The following MACF1 variants were observed in gnomAD, a reference collection of about 807,000 sequenced individuals.
MACF1 encodes microtubule-actin cross-linking factor 1.
In MACF1, 193 loss-of-function variants were observed where a neutral mutation model predicts 854.8. The ratio of observed to expected loss-of-function variants is 0.23; its 90% CI spans 0.20 to 0.25. The LOEUF (loss-of-function observed/expected upper bound fraction) is 0.25. Ranked by LOEUF, MACF1 falls within the 10% of genes least tolerant of loss-of-function variation. The pLI, the probability that MACF1 is intolerant of heterozygous loss-of-function variation, is 1.00. For missense variants in MACF1, 7,722 were observed against 8,929.1 expected, an observed-to-expected ratio of 0.86 and a Z score of 5.45; for synonymous variants, 3,185 against 3,226.7, an observed-to-expected ratio of 0.99 and a Z score of 0.44.
At chr1:39,378,715 A>G (rs1274323126) in intron 53 of MACF1, among the ~76,000 whole-genome samples, 192 bp downstream of exon 53, 1 of 152,214 alleles carries the variant, frequency 6.6e-6, no homozygotes, top group African/African-American at 2.4e-5. Context: ...CTGAAGCTAA[A>G]GGTATTGTAG....
chr1:39,404,690 G>T (rs1180152013), intron 58 of MACF1, among the ~76,000 whole-genome samples: 1 of 152,056 alleles, frequency 6.6e-6, no homozygotes, highest in African/African-American at 2.4e-5. Flanking sequence ...TTGCAATGTT[G>T]CTTCGGCTAG....
chr1:39,107,725 C>T (rs1486304531), intron 2 of MACF1, among the ~76,000 whole-genome samples: 1 of 152,156 alleles, frequency 6.6e-6, no homozygotes, highest in African/African-American at 2.4e-5. Flanking sequence ...TTGTGAGGAT[C>T]ATGCCACGTA....
At chr1:39,169,453 T>C (rs1643916580) in intron 2 of MACF1, among the ~76,000 whole-genome samples, 1 of 151,908 alleles carries the variant, frequency 6.6e-6, no homozygotes, top group Non-Finnish European at 1.5e-5. Context: ...CATTTTTTTT[T>C]AAGTAGCCAG....
intron 22 of MACF1, among the ~76,000 whole-genome samples, chr1:39,300,712 C>T (rs1363598739): frequency 6.6e-6 from 1 of 152,098 alleles, no homozygotes; most frequent in Non-Finnish European, 1.5e-5. Context: ...TGTAAATATC[C>T]CTTAAACGTA....
At position 39,436,512 on chromosome 1, in the gene MACF1, G is replaced by A. The variant is rs767015440; in HGVS notation, c.17988+751G>A. ...AGAGGTAAGGTACCCATCCCCATTG[G>A]GACTAGGGTGTTCTTATAATGCTGA... On this transcript the variant is annotated intron_variant, in intron 70 of 100. Transcript: ENST00000564288. The A allele has an allele frequency of 6.2e-6, 10 of 1,611,414 alleles. No individual in the cohort carries two copies. The Admixed American group carries it at 1.7e-4, about 27-fold the overall frequency.
chr1:39,283,507 A>C lies in MACF1; in HGVS notation c.907A>C (p.Ser303Arg), dbSNP rs1433265674. 1 of 1,597,968 alleles carries C rather than the reference A, an allele frequency of 6.3e-7. No homozygotes were observed. Among genetic ancestry groups the C allele is most frequent in the South Asian group, 1.1e-5 (1 of 90,736 alleles). The change falls in exon 9 of 101, where the codon AGT becomes CGT. Residue 303 changes from serine to arginine, a missense_variant. By Grantham distance (110) the Ser-to-Arg change is moderately radical. Around this residue, in one of 15 missense-constraint regions of MACF1, gnomAD observed 97 missense variants for 130.4 expected, o/e 0.74. Coordinates refer to ENST00000564288, the MANE Select transcript of MACF1 (RefSeq NM_001394062.1). This position sits in a 1 kb window ranked among gnomAD's most constrained non-coding sequence, Gnocchi z 4.5. The stretch of plus-strand genomic sequence containing the variant: ...AGTTCCTGAGGGTGGAGAAGGGATC[A>C]GTGCTACGGTAAAAGAACATTTTCC... ...PKVPEGGEGI[S>R]ATEVDSRWQE... is the part of the protein sequence containing the mutation.
At position 39,340,583 on chromosome 1, in the gene MACF1, C is replaced by T. The variant is rs1354035753; in HGVS notation, c.10297C>T (p.Pro3433Ser). 6.2e-7 allele frequency: 1 copy of T among 1,614,136 alleles called. No homozygotes were observed. Among genetic ancestry groups the T allele is most frequent in the Admixed American group, 1.7e-5 (1 of 60,014 alleles). Reference protein sequence around the residue: ...ECVNQIIISQPQEVPAQLLKA... With the variant: ...ECVNQIIISQSQEVPAQLLKA... ...TGTGAATCAGATTATCATCAGCCAG[C>T]CTCAAGAAGTTCCTGCTCAACTGTT... is the stretch of plus-strand genomic sequence containing the variant. Residue 3433 changes from proline to serine, a missense_variant, in exon 39 of 101, where the codon CCT becomes TCT. Pro to Ser is a moderately conservative substitution (Grantham distance 74). Transcript: ENST00000564288.
chr1:39,212,748 A>G (rs951129831), intron 1 of MACF1, among the ~76,000 whole-genome samples: 19 of 152,058 alleles, frequency 1.2e-4, no homozygotes, highest in African/African-American at 4.3e-4. Context: ...TCAGCCTCCC[A>G]GGTATCTGGA....
chr1:39,191,994 T>C (rs1644259910), intron 2 of MACF1, among the ~76,000 whole-genome samples: 1 of 151,908 alleles, frequency 6.6e-6, no homozygotes, highest in South Asian at 2.1e-4. Context: ...CTATTAAACA[T>C]ACAAAAATTA....
chr1:39,477,070 T>TACACACAC lies in MACF1; in HGVS notation c.21959-2727_21959-2726insCACACACA, dbSNP rs1224707870. ...GTATATATATATATATATATATATA[T>TACACACAC]ATATATATATATATATATATACACA... On this transcript the variant is annotated intron_variant, in intron 97 of 100. Transcript: ENST00000564288. 6.2e-3 allele frequency among the ~76,000 whole-genome samples: 267 copies of TACACACAC among 43,134 alleles called. 18 individuals are homozygous for TACACACAC. The highest frequency in any genetic ancestry group is 0.053 in the East Asian group (45 of 856). The allele number at this position is 43,134 out of a possible 152,430, so 28.3% of individuals were successfully genotyped here.
At chr1:39,398,158 T>A (rs1309005791) in intron 58 of MACF1, among the ~76,000 whole-genome samples, 10 of 147,348 alleles carry the variant, frequency 6.8e-5, no homozygotes, top group South Asian at 2.2e-4. Context: ...TTTTTTTTTT[T>A]AAACAGTTTC....
chr1:39,347,171 G>A lies in MACF1; in HGVS notation c.10776G>A (p.Gln3592=). 1 of 1,613,990 alleles carries A rather than the reference G, an allele frequency of 6.2e-7. No homozygotes were observed. The stretch of plus-strand genomic sequence containing the variant: ...CTGCCGCTCAGGTGGATGCCTTGCA[G>A]GGCCATCTTCAACAAATGGAGCAGG... ...EQTAAQVDAL[Q]GHLQQMEQEA... is the part of the protein sequence containing the mutation. Residue 3592 remains glutamine, a synonymous_variant, in exon 41 of 101, where the codon CAG becomes CAA. Transcript: ENST00000564288.
chr1:39,340,744 G>C (rs1423371218), intron 39 of MACF1, 27 bp downstream of exon 39: 4 of 1,612,870 alleles, frequency 2.5e-6, no homozygotes, highest in Non-Finnish European at 3.4e-6. Flanking sequence ...ATTCATAAAG[G>C]CTCACAAAGT....
At chr1:39,167,431 G>A (rs1643893105) in intron 2 of MACF1, among the ~76,000 whole-genome samples, 1 of 151,802 alleles carries the variant, frequency 6.6e-6, no homozygotes, top group Admixed American at 6.6e-5. Flanking sequence ...ATTAGACCGG[G>A]CGCGGTGGCT....
chr1:39,423,237 T>C (rs1643605947), intron 60 of MACF1, among the ~76,000 whole-genome samples: 1 of 152,206 alleles, frequency 6.6e-6, no homozygotes, highest in Non-Finnish European at 1.5e-5. Flanking sequence ...TTTTTGTTGG[T>C]TTAATTTCTA....
chr1:39,359,152 G>C lies in MACF1; in HGVS notation c.12132G>C (p.Glu4044Asp). The part of the protein sequence containing the change: ...EQLATTKQLQ[E>D]ELAEHQVPVE... Reference sequence around the variant, plus strand: ...TCATGGACAAGCAGCAGTTGCAGGAGGAATTGGCTGAGCACCAAGTACCTG... The same window carrying C: ...TCATGGACAAGCAGCAGTTGCAGGACGAATTGGCTGAGCACCAAGTACCTG... The change falls in exon 47 of 101, where the codon GAG becomes GAC. Residue 4044 changes from glutamate (E) to aspartate (D), a missense_variant. Glu to Asp is a conservative substitution (Grantham distance 45). This residue lies in a region of MACF1 where 2,807 missense variants were observed against 3,235.8 expected (regional missense o/e 0.87). Transcript: ENST00000564288. 2 of 1,613,974 alleles carry C rather than the reference G, an allele frequency of 1.2e-6. No individual in the cohort carries two copies. Among genetic ancestry groups the C allele is most frequent in the Non-Finnish European group, 1.7e-6 (2 of 1,179,990 alleles).
chr1:39,254,828 G>A (rs1243625212), intron 5 of MACF1, among the ~76,000 whole-genome samples: 1 of 152,170 alleles, frequency 6.6e-6, no homozygotes, highest in East Asian at 1.9e-4. Context: ...GATAACTTAA[G>A]TGAGCAGTTT....
intron 31 of MACF1, among the ~76,000 whole-genome samples, chr1:39,320,037 T>G (rs953567297): frequency 6.6e-6 from 1 of 152,226 alleles, no homozygotes. Context: ...TAAATATGCT[T>G]CTTACTTGTC....
At chr1:39,205,167 C>T (rs1265255098) in intron 1 of MACF1, 36 bp downstream of exon 1, 2 of 702,486 alleles carry the variant, frequency 2.8e-6, no homozygotes, top group South Asian at 3.0e-5. Flanking sequence ...TTTAAATCTA[C>T]TGTGGGGCTT....
Sources: gnomAD v4.1 joint callset for allele counts (sites outside exome capture counted in the v4.1 genomes callset) on GRCh38, gnomAD v4.1.1 for gene constraint, gnomAD v4.1.1 regional missense constraint, Gnocchi (gnomAD v3.1) non-coding constraint, MANE v1.5 for transcripts, NCBI Gene and HGNC (gene_info 2026-07-23, HGNC 2026-07-21) for gene names.